Variants in TAFA1 observed in about 807,000 individuals in gnomAD.
The protein encoded by TAFA1 is chemokine-like protein TAFA-1.
In TAFA1, 4 loss-of-function variants were observed where a neutral mutation model predicts 18.5. That is an observed-to-expected ratio of 0.22 (90% CI 0.11 to 0.49). The LOEUF (loss-of-function observed/expected upper bound fraction) is 0.49. TAFA1 is among the 20% of genes least tolerant of loss of function. The pLI is 0.98. For synonymous variants in TAFA1, 56 were observed against 55.2 expected (o/e 1.01, Z -0.06); for missense variants, 147 against 169.0 (o/e 0.87, Z 0.72).
At chr3:68,407,476 G>A (rs965479201) in intron 2 of TAFA1, among the ~76,000 whole-genome samples, 3 of 152,178 alleles carry the variant, frequency 2.0e-5, no homozygotes, top group East Asian at 3.9e-4. Flanking sequence ...ATGAAATAAG[G>A]CTTAGAAAAA....
In TAFA1 at chr3:68,233,657, A is replaced by T. The variant is rs141334025; in HGVS notation, c.119-183623A>T. Among the ~76,000 whole-genome samples the T allele has an allele frequency of 1.5e-4, 23 of 152,272 alleles. No individual in the cohort carries two copies. The East Asian group carries it at 4.4e-3, about 29-fold the overall frequency. Reference sequence around the variant, plus strand: ...ATTTTTTTTTCTATTTTTGTGAAGAATGTCATTGGTATTTTGACAAGAATT... The same window carrying T: ...ATTTTTTTTTCTATTTTTGTGAAGATTGTCATTGGTATTTTGACAAGAATT... On this transcript the variant is annotated intron_variant, in intron 2 of 4. Transcript: ENST00000478136.
intron 2 of TAFA1, among the ~76,000 whole-genome samples, chr3:68,248,702 C>T (rs1035436361): frequency 9.7e-6 from 1 of 103,284 alleles, no homozygotes; most frequent in East Asian, 3.4e-4. Flanking sequence ...ACATCTGAGT[C>T]CTGAGTTTTG....
At chr3:68,073,392 T>A (rs774580013) in intron 2 of TAFA1, among the ~76,000 whole-genome samples, 2 of 152,246 alleles carry the variant, frequency 1.3e-5, no homozygotes, top group Non-Finnish European at 2.9e-5. Context: ...AGCAATGGGC[T>A]TCTTCAGTGT....
chr3:68,005,705 G>A (rs1480577375), intron 1 of TAFA1, among the ~76,000 whole-genome samples: 2 of 152,208 alleles, frequency 1.3e-5, no homozygotes, highest in East Asian at 3.8e-4. Flanking sequence ...TTCTTGTGTA[G>A]AAAATGCTTC....
In TAFA1 at chr3:68,096,978, A is replaced by G. The variant is rs544911104; in HGVS notation, c.118+90234A>G. 2.6e-5 allele frequency among the ~76,000 whole-genome samples: 4 copies of G among 152,268 alleles called. No homozygotes were observed. The East Asian group carries it at 7.7e-4, about 29-fold the overall frequency. On this transcript the variant is annotated intron_variant, in intron 2 of 4. Transcript: ENST00000478136. ...AGGCACCTTCAGCAGGTAAAATGGT[A>G]TCTGGGGCCTGATTGAATATTTCTT...
intron 2 of TAFA1, among the ~76,000 whole-genome samples, chr3:68,243,089 C>T (rs372164470): frequency 3.3e-4 from 49 of 150,242 alleles, no homozygotes; most frequent in African/African-American, 1.1e-3. Context: ...TTTTTTTTTT[C>T]GAGACAAGGT....
At chr3:68,081,597 T>G (rs2064901020) in intron 2 of TAFA1, among the ~76,000 whole-genome samples, 1 of 152,224 alleles carries the variant, frequency 6.6e-6, no homozygotes, top group Non-Finnish European at 1.5e-5. Flanking sequence ...GTGCCCCTGC[T>G]GAGGGGTGCC....
At chr3:68,222,295 C>A (rs1299703711) in intron 2 of TAFA1, among the ~76,000 whole-genome samples, 1 of 152,150 alleles carries the variant, frequency 6.6e-6, no homozygotes, top group Non-Finnish European at 1.5e-5. Context: ...TTATGCCAGA[C>A]AGGAAAGCAC....
chr3:68,501,627 G>A (rs1013434995), intron 3 of TAFA1, among the ~76,000 whole-genome samples: 6 of 152,268 alleles, frequency 3.9e-5, no homozygotes, highest in African/African-American at 1.4e-4. Context: ...CAAGAGTGAT[G>A]ACAGTGGACA....
chr3:68,514,087 GCT>G (rs2072887042), intron 3 of TAFA1, among the ~76,000 whole-genome samples: 1 of 152,046 alleles, frequency 6.6e-6, no homozygotes, highest in African/African-American at 2.4e-5. Context: ...ATCTCTCTGG[GCT>G]CTCTTTTATA....
rs2106802508 is a variant in TAFA1 at position 68,093,966 on chromosome 3, T to C, written c.118+87222T>C. Reference sequence around the variant, plus strand: ...GGAAGTTTTTGCAATTTACATATATTTTTCTCTTTTTGACAATGCCTGACT... The same window carrying C: ...GGAAGTTTTTGCAATTTACATATATCTTTCTCTTTTTGACAATGCCTGACT... On this transcript the variant is annotated intron_variant, in intron 2 of 4. Transcript: ENST00000478136. 1.3e-5 allele frequency among the ~76,000 whole-genome samples: 2 copies of C among 152,084 alleles called. 1 individual carries two copies. Among genetic ancestry groups the C allele is most frequent in the South Asian group, 4.2e-4 (2 of 4,816 alleles).
At chr3:68,175,411 T>A (rs1172214494) in intron 2 of TAFA1, among the ~76,000 whole-genome samples, 2 of 152,182 alleles carry the variant, frequency 1.3e-5, no homozygotes, top group East Asian at 3.9e-4. Context: ...AGGAAGTCTG[T>A]ACCCTGCACA....
Position 68,252,775 on chromosome 3 carries a change from A to G in TAFA1, c.119-164505A>G, listed in dbSNP as rs971443117. 2.1e-4 allele frequency among the ~76,000 whole-genome samples: 32 copies of G among 152,266 alleles called. 1 individual carries two copies. The highest frequency in any genetic ancestry group is 1.7e-3 in the South Asian group (8 of 4,828). Reference sequence around the variant, plus strand: ...TAAAATTTAGGTGATATGGTTTGGCAGTGTCCCCACCCAAATCTCACTTTG... The same window carrying G: ...TAAAATTTAGGTGATATGGTTTGGCGGTGTCCCCACCCAAATCTCACTTTG... On this transcript the variant is annotated intron_variant, in intron 2 of 4. Transcript: ENST00000478136.
At position 68,538,761 on chromosome 3, in the gene TAFA1, A is replaced by T. The variant is rs1409228844; in HGVS notation, c.265A>T (p.Ile89Leu). ...RNRPSCVDAS[I>L]VIGKWWCEME... is the part of the protein sequence containing the mutation. ...TGTTTCCTGTTTCTGCACAGCCTCCATAGTGATTGGGAAATGGTGGTGTGA... is the reference window on the plus strand; with the variant it reads ...TGTTTCCTGTTTCTGCACAGCCTCCTTAGTGATTGGGAAATGGTGGTGTGA... The change falls in exon 4 of 5, where the codon ATA becomes TTA. Residue 89 changes from isoleucine (I) to leucine (L), a missense_variant. Physicochemically the swap from Ile to Leu is conservative, Grantham distance 5. Transcript: ENST00000478136. 5.0e-6 allele frequency: 8 copies of T among 1,613,432 alleles called. No individual in the cohort carries two copies. Among genetic ancestry groups the T allele is most frequent in the Non-Finnish European group, 6.8e-6 (8 of 1,179,646 alleles).
At chr3:68,087,648 C>A (rs1368924866) in intron 2 of TAFA1, among the ~76,000 whole-genome samples, 2 of 150,840 alleles carry the variant, frequency 1.3e-5, no homozygotes, top group East Asian at 2.0e-4. Flanking sequence ...CCTTTCTTCC[C>A]TTTGTCCATA....
chr3:68,389,264 AGGCTC>A (rs2070173480), intron 2 of TAFA1, among the ~76,000 whole-genome samples: 1 of 152,178 alleles, frequency 6.6e-6, no homozygotes, highest in Non-Finnish European at 1.5e-5. Context: ...AGGGCTTTCT[AGGCTC>A]ACATTTTTTA....
chr3:68,062,668 C>A (rs2106729215), intron 2 of TAFA1, among the ~76,000 whole-genome samples: 1 of 152,248 alleles, frequency 6.6e-6, no homozygotes, highest in East Asian at 1.9e-4. Flanking sequence ...CTGCTAGCTG[C>A]ACATCAAGAG....
intron 2 of TAFA1, among the ~76,000 whole-genome samples, chr3:68,404,346 T>G (rs1482910901): frequency 6.6e-6 from 1 of 152,198 alleles, no homozygotes; most frequent in Admixed American, 6.5e-5. Context: ...TCCTCAATTA[T>G]GGAATATGCT....
chr3:68,388,732 G>A (rs538477157), intron 2 of TAFA1, among the ~76,000 whole-genome samples: 1 of 152,064 alleles, frequency 6.6e-6, no homozygotes, highest in South Asian at 2.1e-4. Context: ...TCTTAAAAAA[G>A]ACATTCTACT....
Sources: allele counts gnomAD v4.1 joint callset (sites outside exome capture counted in the v4.1 genomes callset), GRCh38; gene constraint gnomAD v4.1.1; transcripts MANE v1.5; gene names NCBI Gene and HGNC (gene_info 2026-07-23, HGNC 2026-07-21).